The following TIAM1 variants were observed in gnomAD, a reference collection of about 807,000 sequenced individuals.
The protein encoded by TIAM1 is rho guanine nucleotide exchange factor TIAM1.
Under a neutral mutation model 163.5 loss-of-function variants are expected in TIAM1, and 65 were observed. The observed-to-expected ratio is 0.40, with a 90% CI of 0.33 to 0.49. The LOEUF (loss-of-function observed/expected upper bound fraction) is 0.49. Ranked by LOEUF, TIAM1 falls within the 20% of genes least tolerant of loss-of-function variation. TIAM1 has a pLI of 0.77. For missense variants in TIAM1, 1,789 were observed against 2,044.7 expected (o/e 0.87, Z 2.41); for synonymous variants, 833 against 810.1 (o/e 1.03, Z -0.48).
intron 15 of TIAM1, among the ~76,000 whole-genome samples, chr21:31,171,113 C>A (rs767337146): frequency 6.7e-6 from 1 of 149,204 alleles, no homozygotes. Context: ...TATGCCATTG[C>A]GGACAAGTGA....
Position 31,182,582 on chromosome 21 carries a change from G to A in TIAM1, c.2726C>T (p.Ser909Phe). 1.2e-6 allele frequency: 2 copies of A among 1,614,116 alleles called. No individual in the cohort carries two copies. The highest frequency in any genetic ancestry group is 2.2e-5 in the East Asian group (1 of 44,870). ...NNRAADALNS[S>F]MLKDFLSQPS... ...CTGTGAGAGGAAATCTTTGAGCATA[G>A]AAGAGTTCAGGGCGTCAGCAGCACG... is the stretch of plus-strand genomic sequence containing the variant. Residue 909 changes from serine to phenylalanine, a missense_variant, in exon 15 of 28, where the codon TCT becomes TTT. Physicochemically the swap from Ser to Phe is radical, Grantham distance 155. Around this residue, in one of 5 missense-constraint regions of TIAM1, gnomAD observed 303 missense variants for 321.3 expected, o/e 0.94. Transcript: ENST00000541036.
At chr21:31,210,788 AAGAAAGAAAGAAAG>A (rs2086835261) in intron 10 of TIAM1, among the ~76,000 whole-genome samples, 1 of 141,198 alleles carries the variant, frequency 7.1e-6, no homozygotes, top group African/African-American at 3.1e-5. Context: ...GAAAGAAAGA[AAGAAAGAAAGAAAG>A]AAAGAAAGAA....
chr21:31,276,554 G>A (rs1301334413), intron 3 of TIAM1, among the ~76,000 whole-genome samples, 178 bp downstream of exon 3: 2 of 152,104 alleles, frequency 1.3e-5, no homozygotes, highest in South Asian at 4.1e-4. Context: ...TTGTTTTAAC[G>A]CTAATGCTTT....
At chr21:31,485,360 C>G (rs998079681) in intron 1 of TIAM1, among the ~76,000 whole-genome samples, 2 of 152,128 alleles carry the variant, frequency 1.3e-5, no homozygotes, top group Non-Finnish European at 2.9e-5. Flanking sequence ...ACTCTGACCC[C>G]AAGAGGTGGC....
At chr21:31,398,369 T>C (rs921161593) in intron 2 of TIAM1, among the ~76,000 whole-genome samples, 2 of 152,164 alleles carry the variant, frequency 1.3e-5, no homozygotes, top group Non-Finnish European at 2.9e-5. Context: ...CTGGTCAGTT[T>C]TCCCACACAG....
intron 15 of TIAM1, among the ~76,000 whole-genome samples, chr21:31,169,451 G>C (rs1470701398): frequency 6.6e-6 from 1 of 152,076 alleles, no homozygotes; most frequent in African/African-American, 2.4e-5. Flanking sequence ...GAGAAGACTG[G>C]AACATCTATC....
intron 1 of TIAM1, among the ~76,000 whole-genome samples, chr21:31,516,180 G>A (rs1441985045): frequency 1.3e-5 from 2 of 151,502 alleles, no homozygotes; most frequent in African/African-American, 4.9e-5. Flanking sequence ...GAGAGGCCAA[G>A]GCAGGCAGAT....
At chr21:31,157,804 A>G (rs1031042820) in intron 16 of TIAM1, among the ~76,000 whole-genome samples, 1 of 152,218 alleles carries the variant, frequency 6.6e-6, no homozygotes, top group Non-Finnish European at 1.5e-5. Context: ...AAACGTTATG[A>G]TGAAATGATG....
At chr21:31,136,447 T>C (rs992169530) in intron 22 of TIAM1, among the ~76,000 whole-genome samples, 4 of 152,188 alleles carry the variant, frequency 2.6e-5, no homozygotes, top group African/African-American at 9.7e-5. Flanking sequence ...ATCATTATGT[T>C]CTAGCCAAGT....
intron 6 of TIAM1, among the ~76,000 whole-genome samples, chr21:31,241,103 A>G (rs144422347): frequency 0.014 from 2,090 of 152,210 alleles, 45 homozygotes; most frequent in African/African-American, 0.048. Flanking sequence ...GCCTTCTGCC[A>G]TGACGGTGAG....
intron 1 of TIAM1, among the ~76,000 whole-genome samples, chr21:31,551,477 C>A (rs542360626): frequency 6.6e-6 from 1 of 151,966 alleles, no homozygotes; most frequent in East Asian, 2.0e-4. Flanking sequence ...CCATGGCTCA[C>A]ACCTGTAATC....
At chr21:31,210,804 A>G (rs1031042597) in intron 10 of TIAM1, among the ~76,000 whole-genome samples, 1 of 148,354 alleles carries the variant, frequency 6.7e-6, no homozygotes, top group African/African-American at 2.5e-5. Context: ...GAAAGAAAGA[A>G]AGAAAGAAAG....
chr21:31,321,721 G>A (rs571544034), intron 2 of TIAM1, among the ~76,000 whole-genome samples: 7 of 152,090 alleles, frequency 4.6e-5, no homozygotes, highest in Admixed American at 4.6e-4. Context: ...TATAACATAA[G>A]AAGCCAAACT....
intron 13 of TIAM1, among the ~76,000 whole-genome samples, chr21:31,190,115 G>A (rs552272846): frequency 6.6e-6 from 1 of 152,246 alleles, no homozygotes; most frequent in East Asian, 1.9e-4. Context: ...ATTAAGTGAT[G>A]AAACTAAGGT....
At chr21:31,275,468 A>G (rs1034530970) in intron 3 of TIAM1, among the ~76,000 whole-genome samples, 3 of 152,184 alleles carry the variant, frequency 2.0e-5, no homozygotes, top group Admixed American at 1.3e-4. Flanking sequence ...AAAATTACCT[A>G]AGATGAAGAA....
At position 31,120,924 on chromosome 21, in the gene TIAM1, T is replaced by C. The variant is rs941626731; in HGVS notation, c.4307-87A>G. On this transcript the variant is annotated intron_variant, in intron 27 of 27. Transcript: ENST00000541036. The surrounding 1 kb of genome is among the most constrained non-coding windows in gnomAD (Gnocchi z 4.2). ...CCAGAAAGCAAAGGACAGGAGAAAATAAAAACCAAAACGGTATGCATTGAA... is the reference window on the plus strand; with the variant it reads ...CCAGAAAGCAAAGGACAGGAGAAAACAAAAACCAAAACGGTATGCATTGAA... 3.0e-6 allele frequency: 4 copies of C among 1,338,190 alleles called. No individual in the cohort carries two copies. Among genetic ancestry groups the C allele is most frequent in the Non-Finnish European group, 4.0e-6 (4 of 1,001,648 alleles). The allele number at this position is 1,338,190 out of a possible 1,614,324, so 82.9% of individuals were successfully genotyped here.
intron 1 of TIAM1, among the ~76,000 whole-genome samples, chr21:31,482,998 TAAGCA>T (rs1466934601): frequency 6.6e-6 from 1 of 152,056 alleles, no homozygotes; most frequent in African/African-American, 2.4e-5. Flanking sequence ...GCTCAGACAC[TAAGCA>T]GCCTGCCCCA....
At chr21:31,166,991 G>A (rs1467101750) in intron 15 of TIAM1, among the ~76,000 whole-genome samples, 1 of 152,006 alleles carries the variant, frequency 6.6e-6, no homozygotes, top group Non-Finnish European at 1.5e-5. Context: ...CATATACACT[G>A]TGCAGAGAAA....
intron 1 of TIAM1, among the ~76,000 whole-genome samples, chr21:31,539,410 C>T (rs890945629): frequency 6.6e-6 from 1 of 151,090 alleles, no homozygotes; most frequent in African/African-American, 2.5e-5. Flanking sequence ...GGACTACAGG[C>T]GCCCACCACC....
Sources: allele counts gnomAD v4.1 joint callset (sites outside exome capture counted in the v4.1 genomes callset), GRCh38; gene constraint gnomAD v4.1.1; regional missense constraint gnomAD v4.1.1; non-coding constraint Gnocchi (gnomAD v3.1); transcripts MANE v1.5; gene names NCBI Gene and HGNC (gene_info 2026-07-23, HGNC 2026-07-21).